Variants in MGAT4C observed in about 807,000 individuals in gnomAD.
The protein encoded by MGAT4C is alpha-1,3-mannosyl-glycoprotein 4-beta-N-acetylglucosaminyltransferase C.
A neutral mutation model predicts 40.1 loss-of-function variants in MGAT4C; 19 were observed. That is an observed-to-expected ratio of 0.47 (90% CI 0.33 to 0.70). The LOEUF (loss-of-function observed/expected upper bound fraction) is 0.70, where lower values mean the gene tolerates loss of function less well. MGAT4C is among the 30% of genes least tolerant of loss of function. The probability of loss-of-function intolerance (pLI) is 0.02; values close to 1 mark genes in which losing one functional copy is unlikely to be tolerated. For synonymous variants in MGAT4C, 181 were observed against 187.1 expected, an observed-to-expected ratio of 0.97 and a Z score of 0.27; for missense variants, 491 against 563.2, an observed-to-expected ratio of 0.87 and a Z score of 1.30.
intron 1 of MGAT4C, among the ~76,000 whole-genome samples, chr12:86,180,675 C>T (rs866408512): frequency 6.6e-6 from 1 of 152,228 alleles, no homozygotes; most frequent in African/African-American, 2.4e-5. Context: ...CTAGCATGGG[C>T]CCTCTTACCC....
chr12:86,060,147 T>C (rs1893798126), intron 1 of MGAT4C, among the ~76,000 whole-genome samples: 1 of 152,206 alleles, frequency 6.6e-6, no homozygotes, highest in Non-Finnish European at 1.5e-5. Context: ...GATCTATTTA[T>C]AGGTCAAGGG....
At chr12:86,810,412 A>G (rs1000474406) in intron 1 of MGAT4C, among the ~76,000 whole-genome samples, 3 of 151,838 alleles carry the variant, frequency 2.0e-5, no homozygotes, top group African/African-American at 7.2e-5. Flanking sequence ...CTTATTTCCA[A>G]TCTCATATAG....
intron 1 of MGAT4C, among the ~76,000 whole-genome samples, chr12:86,831,804 A>G (rs1220648452): frequency 6.6e-6 from 1 of 151,846 alleles, no homozygotes; most frequent in East Asian, 1.9e-4. Context: ...CTTGCATGAT[A>G]GATATTATAA....
At chr12:86,593,075 T>A (rs1246481551) in intron 2 of MGAT4C, among the ~76,000 whole-genome samples, 1 of 151,114 alleles carries the variant, frequency 6.6e-6, no homozygotes, top group Admixed American at 6.6e-5. Context: ...CATTTGTACT[T>A]TTTTTTTTCT....
At chr12:86,078,307 G>T (rs1371597885) in intron 1 of MGAT4C, among the ~76,000 whole-genome samples, 1 of 152,132 alleles carries the variant, frequency 6.6e-6, no homozygotes, top group Non-Finnish European at 1.5e-5. Context: ...AGGATGAAGG[G>T]GAACATGGTA....
At chr12:86,765,670 G>A (rs1020486797) in intron 1 of MGAT4C, among the ~76,000 whole-genome samples, 30 of 152,228 alleles carry the variant, frequency 2.0e-4, no homozygotes, top group South Asian at 4.1e-4. Context: ...CGGATCTCTC[G>A]GCAGAAACTC....
At chr12:86,082,297 C>A (rs11117186) in intron 1 of MGAT4C, among the ~76,000 whole-genome samples, 25 of 152,152 alleles carry the variant, frequency 1.6e-4, no homozygotes, top group African/African-American at 5.8e-4. Flanking sequence ...TTGGATTAAA[C>A]CATCTCTAAG....
intron 4 of MGAT4C, among the ~76,000 whole-genome samples, chr12:86,309,414 T>G (rs1954014693): frequency 6.6e-6 from 1 of 152,166 alleles, no homozygotes; most frequent in African/African-American, 2.4e-5. Context: ...CAGTCCACTA[T>G]CAAAGTGCAG....
chr12:86,743,741 C>G (rs1282732988), intron 1 of MGAT4C, among the ~76,000 whole-genome samples: 1 of 151,660 alleles, frequency 6.6e-6, no homozygotes, highest in Non-Finnish European at 1.5e-5. Flanking sequence ...GGTCTTCCAT[C>G]TCTATAGGAT....
intron 2 of MGAT4C, among the ~76,000 whole-genome samples, chr12:86,019,405 A>G (rs1166461172): frequency 1.3e-5 from 2 of 152,176 alleles, no homozygotes; most frequent in African/African-American, 4.8e-5. Flanking sequence ...CGGTTTAAAC[A>G]CAGGCCTTTG....
chr12:86,168,482 C>T (rs1248676558), intron 1 of MGAT4C, among the ~76,000 whole-genome samples: 1 of 151,930 alleles, frequency 6.6e-6, no homozygotes, highest in Non-Finnish European at 1.5e-5. Flanking sequence ...ATGAACTCTT[C>T]AAAAATGTCA....
At chr12:86,365,735 T>C (rs1955578768) in intron 3 of MGAT4C, among the ~76,000 whole-genome samples, 1 of 151,848 alleles carries the variant, frequency 6.6e-6, no homozygotes, top group Non-Finnish European at 1.5e-5. Flanking sequence ...TGTGGTTTTA[T>C]TTCTGGGTCC....
Position 86,768,062 on chromosome 12 carries a change from AG to A in MGAT4C, c.-261-40822del, listed in dbSNP as rs914898008. 7.9e-5 allele frequency among the ~76,000 whole-genome samples: 12 copies of A among 152,328 alleles called. No homozygotes were observed. The East Asian group carries it at 1.4e-3, about 17-fold the overall frequency. On this transcript the variant is annotated intron_variant, in intron 1 of 7. Transcript: ENST00000548651. ...AAATAAAGAGTATTCAATTAGGAAA[AG>A]AGGAAGTCAAATTATCCCTGTTTGC...
At position 86,037,275 on chromosome 12, in the gene MGAT4C, G is replaced by A. The variant is rs144714172; in HGVS notation, c.-7+12399C>T. The stretch of plus-strand genomic sequence containing the variant: ...TCATTGATTTTTTGAAGAGTTTTTC[G>A]TGTTTCTATCTCCTTCAGTTCTGCT... On this transcript the variant is annotated intron_variant, in intron 2 of 4. Transcript: ENST00000611864. 4.4e-3 allele frequency among the ~76,000 whole-genome samples: 652 copies of A among 149,572 alleles called. 12 individuals carry two copies. Among genetic ancestry groups the A allele is most frequent in the African/African-American group, 0.015 (627 of 41,246 alleles).
At chr12:86,570,757 C>T (rs1960329316) in intron 2 of MGAT4C, among the ~76,000 whole-genome samples, 2 of 152,066 alleles carry the variant, frequency 1.3e-5, no homozygotes, top group Non-Finnish European at 2.9e-5. Context: ...ACAACTACTT[C>T]AATTATAGCC....
At chr12:86,179,359 C>G (rs936233832) in intron 1 of MGAT4C, among the ~76,000 whole-genome samples, 1 of 152,178 alleles carries the variant, frequency 6.6e-6, no homozygotes, top group African/African-American at 2.4e-5. Context: ...TGAAAACAAA[C>G]TAATACAGTA....
At chr12:85,987,166 T>A in intron 3 of MGAT4C, among the ~76,000 whole-genome samples, 1 of 120,580 alleles carries the variant, frequency 8.3e-6, no homozygotes. Flanking sequence ...AGACGGAGTC[T>A]CGCTCTGTCG....
At chr12:86,376,606 T>C (rs912817267) in intron 3 of MGAT4C, among the ~76,000 whole-genome samples, 1 of 151,926 alleles carries the variant, frequency 6.6e-6, no homozygotes, top group Non-Finnish European at 1.5e-5. Flanking sequence ...TTAGGTCACA[T>C]GACAAGACAA....
intron 3 of MGAT4C, among the ~76,000 whole-genome samples, chr12:86,404,412 A>T (rs552603295): frequency 6.6e-6 from 1 of 152,230 alleles, no homozygotes; most frequent in South Asian, 2.1e-4. Context: ...GGATCTTGAG[A>T]TGGGGAGATT....
Sources: gnomAD v4.1 joint callset for allele counts (sites outside exome capture counted in the v4.1 genomes callset) on GRCh38, gnomAD v4.1.1 for gene constraint, MANE v1.5 for transcripts, NCBI Gene and HGNC (gene_info 2026-07-23, HGNC 2026-07-21) for gene names.